The following TLN2 variants were observed in gnomAD, a reference collection of about 807,000 sequenced individuals.
TLN2 encodes the protein talin 2.
A neutral mutation model predicts 294.7 loss-of-function variants in TLN2; 118 were observed. The observed-to-expected ratio is 0.40, with a 90% CI of 0.34 to 0.47. The LOEUF is 0.47. TLN2 is among the 20% of genes least tolerant of loss of function. The pLI, the probability that TLN2 is intolerant of heterozygous loss-of-function variation, is 0.84. For synonymous variants in TLN2, 1,431 were observed against 1,304.5 expected (o/e 1.10, Z -2.09); for missense variants, 3,083 against 3,282.2 (o/e 0.94, Z 1.48).
At chr15:62,491,095 G>T (rs536164601) in intron 1 of TLN2, among the ~76,000 whole-genome samples, 1 of 152,310 alleles carries the variant, frequency 6.6e-6, no homozygotes, top group East Asian at 1.9e-4. Flanking sequence ...GCCGAGGCAG[G>T]CAGATCACCT....
chr15:62,731,341 C>CT (rs200324101), intron 28 of TLN2, among the ~76,000 whole-genome samples: 6 of 147,680 alleles, frequency 4.1e-5, no homozygotes, highest in Non-Finnish European at 6.0e-5. Context: ...CTGGTGTTTT[C>CT]TTTTTTTTTC....
chr15:62,806,056 G>A (rs1263194476), intron 51 of TLN2, among the ~76,000 whole-genome samples: 3 of 152,088 alleles, frequency 2.0e-5, no homozygotes, highest in Non-Finnish European at 4.4e-5. Context: ...ACCAAGTGTG[G>A]TGGTGTGTAC....
At chr15:62,719,907 T>A in intron 25 of TLN2, 27 bp downstream of exon 25, 1 of 1,558,578 alleles carries the variant, frequency 6.4e-7, no homozygotes, top group Non-Finnish European at 8.7e-7. Context: ...CACCTTGGGC[T>A]CACTCAGAGC....
chr15:62,603,354 T>A (rs1370394792), intron 2 of TLN2, among the ~76,000 whole-genome samples: 1 of 152,202 alleles, frequency 6.6e-6, no homozygotes, highest in East Asian at 1.9e-4. Context: ...CCCTTCTTAG[T>A]TAAGCAAGGC....
At chr15:62,705,797 A>T (rs926907594) in intron 19 of TLN2, among the ~76,000 whole-genome samples, 4 of 152,246 alleles carry the variant, frequency 2.6e-5, no homozygotes, top group Admixed American at 2.0e-4. Flanking sequence ...TGCCAGTCAG[A>T]TCCCAAAGGG....
At chr15:62,803,535 C>T (rs565797280) in intron 50 of TLN2, among the ~76,000 whole-genome samples, 1 of 152,158 alleles carries the variant, frequency 6.6e-6, no homozygotes, top group Non-Finnish European at 1.5e-5. Flanking sequence ...TTTCAAATAG[C>T]CTGTCTTCAA....
intron 54 of TLN2, chr15:62,823,909 T>C: frequency 2.0e-6 from 1 of 509,764 alleles, no homozygotes; most frequent in Non-Finnish European, 4.1e-6. Flanking sequence ...GCCGTAACCT[T>C]CAATACTGTG....
At chr15:62,520,499 A>T (rs148590142) in intron 1 of TLN2, among the ~76,000 whole-genome samples, 2,102 of 152,340 alleles carry the variant, frequency 0.014, 30 homozygotes, top group Admixed American at 0.024. Context: ...TAGAAAAGAT[A>T]ACCTTGATAG....
chr15:62,611,081 A>G (rs2047875387), intron 2 of TLN2, among the ~76,000 whole-genome samples: 1 of 152,186 alleles, frequency 6.6e-6, no homozygotes, highest in African/African-American at 2.4e-5. Flanking sequence ...GCCGTGGGCA[A>G]GAAGCAAGAG....
chr15:62,642,730 C>G (rs1393623781), intron 3 of TLN2, among the ~76,000 whole-genome samples: 3 of 148,142 alleles, frequency 2.0e-5, no homozygotes, highest in African/African-American at 7.6e-5. Flanking sequence ...CAGAGTCTTG[C>G]TCTGTCACCC....
At chr15:62,418,814 C>T (rs2034226322) in intron 1 of TLN2, among the ~76,000 whole-genome samples, 1 of 152,166 alleles carries the variant, frequency 6.6e-6, no homozygotes. Context: ...TTACAAAGTA[C>T]ATTGATCAGT....
intron 1 of TLN2, among the ~76,000 whole-genome samples, chr15:62,495,179 T>C (rs2038953950): frequency 6.6e-6 from 1 of 152,256 alleles, no homozygotes. Flanking sequence ...TTTCATCCTA[T>C]TATTTCCAGT....
At chr15:62,777,251 G>A (rs2063780995) in intron 43 of TLN2, among the ~76,000 whole-genome samples, 1 of 151,862 alleles carries the variant, frequency 6.6e-6, no homozygotes, top group Admixed American at 6.6e-5. Context: ...AGTGATTCCC[G>A]CCCGGCCGGG....
chr15:62,404,756 T>C (rs533985864), intron 1 of TLN2, among the ~76,000 whole-genome samples: 1 of 152,260 alleles, frequency 6.6e-6, no homozygotes, highest in African/African-American at 2.4e-5. Context: ...GAGAGTACTT[T>C]AAGAGGCTTA....
chr15:62,399,082 G>A (rs918730997), intron 1 of TLN2, among the ~76,000 whole-genome samples: 6 of 151,842 alleles, frequency 4.0e-5, no homozygotes, highest in South Asian at 2.1e-4. Context: ...CCATTGCTTC[G>A]TAGGATGCAA....
intron 1 of TLN2, among the ~76,000 whole-genome samples, chr15:62,537,548 CAA>C (rs1567070798): frequency 6.6e-6 from 1 of 152,100 alleles, no homozygotes; most frequent in Non-Finnish European, 1.5e-5. Context: ...ATTTATATAA[CAA>C]ATCTATTTTA....
intron 1 of TLN2, among the ~76,000 whole-genome samples, chr15:62,569,953 T>A (rs927863785): frequency 1.3e-5 from 2 of 152,198 alleles, no homozygotes; most frequent in African/African-American, 4.8e-5. Flanking sequence ...TGTGTGAGTT[T>A]TCCCTTTCTG....
At chr15:62,639,178 A>G (rs934218005) in intron 3 of TLN2, among the ~76,000 whole-genome samples, 1 of 152,212 alleles carries the variant, frequency 6.6e-6, no homozygotes, top group Non-Finnish European at 1.5e-5. Flanking sequence ...CTCTGAGGCC[A>G]GCAGGGGAGA....
chr15:62,485,968 G>GT (rs139031174), intron 1 of TLN2, among the ~76,000 whole-genome samples: 1,955 of 152,124 alleles, frequency 0.013, 99 homozygotes, highest in East Asian at 0.1. Flanking sequence ...TTTTGAGCGT[G>GT]TTGTTTTAAA....
Sources: gnomAD v4.1 joint callset for allele counts (sites outside exome capture counted in the v4.1 genomes callset) on GRCh38, gnomAD v4.1.1 for gene constraint, MANE v1.5 for transcripts, NCBI Gene and HGNC (gene_info 2026-07-23, HGNC 2026-07-21) for gene names.